The following TBC1D32 variants were observed in gnomAD, a reference collection of about 807,000 sequenced individuals.
The protein encoded by TBC1D32 is TBC1 domain family member 32.
A neutral mutation model predicts 170.3 loss-of-function variants in TBC1D32; 151 were observed. The ratio of observed to expected loss-of-function variants is 0.89; its 90% CI spans 0.78 to 1.01. TBC1D32 has a LOEUF of 1.01. Ranked by LOEUF, TBC1D32 falls within the 50% of genes least tolerant of loss-of-function variation. The pLI is 0.00. For synonymous variants in TBC1D32, 498 were observed against 488.0 expected (o/e 1.02, Z -0.27); for missense variants, 1,464 against 1,457.1 (o/e 1.00, Z -0.08).
intron 15 of TBC1D32, among the ~76,000 whole-genome samples, chr6:121,261,289 T>G (rs953828306): frequency 6.6e-6 from 1 of 152,174 alleles, no homozygotes; most frequent in Non-Finnish European, 1.5e-5. Flanking sequence ...GCAGTCAAAG[T>G]GGGTCCTGGT....
chr6:121,272,491 C>A lies in TBC1D32; in HGVS notation c.1733+6630G>T, dbSNP rs986564767. 8.4e-4 allele frequency among the ~76,000 whole-genome samples: 127 copies of A among 152,086 alleles called. 1 individual carries two copies. The highest frequency in any genetic ancestry group is 3.4e-3 in the Middle Eastern group (1 of 294). ...ATCAAAAGAAGACATTTATGCAGCC[C>A]ACAGACACATGAAAAAATGCTCATC... On this transcript the variant is annotated intron_variant, in intron 15 of 31. Transcript: ENST00000398212.
At position 121,281,675 on chromosome 6, in the gene TBC1D32, G is replaced by A. The variant is rs762355644; in HGVS notation, c.1477C>T (p.Pro493Ser). 9 of 1,591,774 alleles carry A rather than the reference G, an allele frequency of 5.7e-6. No individual in the cohort carries two copies. In the East Asian group the frequency reaches 1.8e-4, roughly 32 times the overall value. ...AGAACTTCAGTCACCATACTTGCAG[G>A]AGAGTAATTCTCTAATAAACAATAA... The part of the protein sequence containing the change: ...TSAAHSENYS[P>S]ASMVTEVLWI... Residue 493 changes from proline (P) to serine (S), a missense_variant, in exon 14 of 32, where the codon CCT becomes TCT. By Grantham distance (74) the Pro-to-Ser change is moderately conservative. Around this residue, in one of 3 missense-constraint regions of TBC1D32, gnomAD observed 1,363 missense variants for 1,338.1 expected, o/e 1.02. Transcript: ENST00000398212.
intron 31 of TBC1D32, among the ~76,000 whole-genome samples, chr6:121,085,823 G>T (rs904534961): frequency 6.6e-6 from 1 of 152,026 alleles, no homozygotes; most frequent in South Asian, 2.1e-4. Context: ...TCAGCTGAAG[G>T]GTACTTGGAA....
chr6:121,237,218 C>A (rs954080259), intron 20 of TBC1D32, among the ~76,000 whole-genome samples: 7 of 151,966 alleles, frequency 4.6e-5, no homozygotes, highest in Non-Finnish European at 7.4e-5. Context: ...TGCTCTACTG[C>A]CTCCTGGTTT....
chr6:121,206,659 A>ATTCTATAGATTATT (rs1792317498), intron 21 of TBC1D32, among the ~76,000 whole-genome samples: 1 of 152,238 alleles, frequency 6.6e-6, no homozygotes, highest in South Asian at 2.1e-4. Flanking sequence ...TATATTTACC[A>ATTCTATAGATTATT]TTCTATAGAT....
intron 4 of TBC1D32, among the ~76,000 whole-genome samples, chr6:121,308,648 C>G (rs1012134586): frequency 6.9e-6 from 1 of 144,578 alleles, no homozygotes; most frequent in African/African-American, 2.6e-5. Context: ...CAGTGGGATG[C>G]AAAATTGTAT....
intron 24 of TBC1D32, among the ~76,000 whole-genome samples, chr6:121,153,169 C>T (rs1403091604): frequency 6.6e-6 from 1 of 152,024 alleles, no homozygotes; most frequent in Non-Finnish European, 1.5e-5. Flanking sequence ...TATTGGTGAC[C>T]TTGGGATGGA....
intron 24 of TBC1D32, among the ~76,000 whole-genome samples, chr6:121,133,595 A>T (rs1781683920): frequency 6.6e-6 from 1 of 152,042 alleles, no homozygotes; most frequent in African/African-American, 2.4e-5. Context: ...TCATATATAA[A>T]ATCAGATTTA....
chr6:121,274,951 G>C (rs1802020881), intron 15 of TBC1D32, among the ~76,000 whole-genome samples: 2 of 152,008 alleles, frequency 1.3e-5, no homozygotes, highest in African/African-American at 4.8e-5. Context: ...TAAGTACATT[G>C]AAAATTGTAG....
At chr6:121,186,332 C>T (rs1178875445) in intron 22 of TBC1D32, among the ~76,000 whole-genome samples, 7 of 151,986 alleles carry the variant, frequency 4.6e-5, no homozygotes, top group Non-Finnish European at 8.8e-5. Context: ...CCTACTAGTA[C>T]TGCCATATCT....
chr6:121,128,663 G>A (rs920714600), intron 25 of TBC1D32, among the ~76,000 whole-genome samples: 1 of 152,020 alleles, frequency 6.6e-6, no homozygotes, highest in Non-Finnish European at 1.5e-5. Flanking sequence ...GTAGGAATAC[G>A]ACATGAATAG....
chr6:121,267,388 C>A (rs569336407), intron 15 of TBC1D32, among the ~76,000 whole-genome samples: 2 of 152,110 alleles, frequency 1.3e-5, no homozygotes, highest in Non-Finnish European at 2.9e-5. Context: ...CTATGACAGA[C>A]GGTACCTGGA....
Position 121,113,175 on chromosome 6 carries a change from T to C in TBC1D32, c.3056A>G (p.Tyr1019Cys). The C allele has an allele frequency of 6.3e-7, 1 of 1,593,484 alleles. No individual in the cohort carries two copies. Among genetic ancestry groups the C allele is most frequent in the South Asian group, 1.1e-5 (1 of 87,210 alleles). The change falls in exon 28 of 32, where the codon TAT becomes TGT. Residue 1019 changes from tyrosine to cysteine, a missense_variant and splice_region_variant. Coordinates refer to ENST00000398212, the MANE Select transcript of TBC1D32 (RefSeq NM_152730.6). ...QQLGIKMTVR[Y>C]GKFLSLLKDG... ...TTTTAAGAGACTGAGGAATTTGCCA[T>C]ACCTATATTAAAAGCCCACAAAACA...
chr6:121,304,339 C>G, intron 8 of TBC1D32, 26 bp downstream of exon 8: 1 of 1,609,464 alleles, frequency 6.2e-7, no homozygotes, highest in Non-Finnish European at 8.5e-7. Context: ...AGGTTTTATG[C>G]TGGCATACAT....
At chr6:121,143,032 T>C in intron 24 of TBC1D32, among the ~76,000 whole-genome samples, 1 of 152,098 alleles carries the variant, frequency 6.6e-6, no homozygotes, top group East Asian at 1.9e-4. Context: ...GTTATAACAC[T>C]AGTACATATA....
intron 20 of TBC1D32, among the ~76,000 whole-genome samples, chr6:121,233,815 T>C (rs918027144): frequency 2.6e-5 from 4 of 152,148 alleles, no homozygotes; most frequent in Admixed American, 6.6e-5. Context: ...TGCTGTGAGA[T>C]TTATTCTTTA....
intron 18 of TBC1D32, among the ~76,000 whole-genome samples, chr6:121,241,842 A>C (rs1252021138): frequency 2.6e-5 from 4 of 152,182 alleles, no homozygotes; most frequent in Non-Finnish European, 5.9e-5. Context: ...TTTCCTTTAA[A>C]ATGTGAGGCC....
At chr6:121,084,498 G>T (rs924952744) in intron 31 of TBC1D32, among the ~76,000 whole-genome samples, 2 of 152,042 alleles carry the variant, frequency 1.3e-5, no homozygotes, top group Non-Finnish European at 2.9e-5. Flanking sequence ...GGCCTATCAT[G>T]GATTACTGAC....
chr6:121,160,436 A>C (rs1413804611), intron 23 of TBC1D32, among the ~76,000 whole-genome samples: 1 of 149,564 alleles, frequency 6.7e-6, no homozygotes, highest in South Asian at 2.1e-4. Context: ...TTTTTTCCAC[A>C]AAACTTTTTC....
Sources: gnomAD v4.1 joint callset for allele counts (sites outside exome capture counted in the v4.1 genomes callset) on GRCh38, gnomAD v4.1.1 for gene constraint, gnomAD v4.1.1 regional missense constraint, MANE v1.5 for transcripts, NCBI Gene and HGNC (gene_info 2026-07-23, HGNC 2026-07-21) for gene names.